The following PLEKHH2 variants were observed in gnomAD, a reference collection of about 807,000 sequenced individuals.
The protein encoded by PLEKHH2 is pleckstrin homology domain-containing family H member 2.
Under a neutral mutation model 187.9 loss-of-function variants are expected in PLEKHH2, and 129 were observed. The observed-to-expected ratio is 0.69, with a 90% confidence interval of 0.59 to 0.79. The LOEUF is 0.79. Ranked by LOEUF, PLEKHH2 falls within the 30% of genes least tolerant of loss-of-function variation. The pLI is 0.00. For missense variants in PLEKHH2, 2,076 were observed against 1,751.2 expected, an observed-to-expected ratio of 1.19 and a Z score of -3.31; for synonymous variants, 686 against 605.6, an observed-to-expected ratio of 1.13 and a Z score of -1.95.
chr2:43,676,723 G>C (rs950348175), intron 2 of PLEKHH2, among the ~76,000 whole-genome samples: 1 of 152,120 alleles, frequency 6.6e-6, no homozygotes, highest in African/African-American at 2.4e-5. Context: ...TTAGCATGGG[G>C]TCCTTCTTAA....
chr2:43,739,073 C>T (rs7609483), intron 20 of PLEKHH2, among the ~76,000 whole-genome samples: 56,000 of 151,918 alleles, frequency 0.37, 11,718 homozygotes, highest in African/African-American at 0.57. Context: ...GCATTTTTAG[C>T]AGAGATGGGG....
intron 2 of PLEKHH2, among the ~76,000 whole-genome samples, chr2:43,667,729 A>G (rs1008864967): frequency 6.6e-6 from 1 of 152,242 alleles, no homozygotes; most frequent in African/African-American, 2.4e-5. Context: ...TGAAATATTC[A>G]GAATAGGCAA....
At chr2:43,671,217 C>G (rs1320263896) in intron 2 of PLEKHH2, among the ~76,000 whole-genome samples, 1 of 152,030 alleles carries the variant, frequency 6.6e-6, no homozygotes, top group Non-Finnish European at 1.5e-5. Context: ...GAACTCCTGA[C>G]CTCAGGTTAT....
At position 43,704,141 on chromosome 2, in the gene PLEKHH2, C is replaced by T. The variant is rs1311901100; in HGVS notation, c.1726+85C>T. 25 of 912,260 alleles carry T rather than the reference C, an allele frequency of 2.7e-5. No individual in the cohort carries two copies. The East Asian group carries it at 6.0e-4, about 22-fold the overall frequency. 56.5% of individuals were successfully genotyped at this position (912,260 alleles called of 1,614,324 possible). A position where few individuals can be genotyped will look rare whatever the true frequency, so the allele number is the denominator to read the frequency against. Reference sequence around the variant, plus strand: ...GTATAATACAAATACATGGTACAGTCACAAAAAGACAAATACTGTATGATT... The same window carrying T: ...GTATAATACAAATACATGGTACAGTTACAAAAAGACAAATACTGTATGATT... On this transcript the variant is annotated intron_variant, in intron 9 of 29. Transcript: ENST00000282406.
chr2:43,685,664 A>G (rs1193036434), intron 3 of PLEKHH2, among the ~76,000 whole-genome samples: 1 of 150,446 alleles, frequency 6.6e-6, no homozygotes, highest in African/African-American at 2.4e-5. Flanking sequence ...TTAGTCTCGA[A>G]CTTGTCAGCT....
chr2:43,681,589 T>G (rs1262609835), intron 3 of PLEKHH2: 26 of 834,318 alleles, frequency 3.1e-5, no homozygotes, highest in Non-Finnish European at 4.6e-5. Flanking sequence ...TCATGACTAG[T>G]GCCTCTTTTT....
intron 2 of PLEKHH2, among the ~76,000 whole-genome samples, chr2:43,648,637 G>C (rs923135667): frequency 6.6e-6 from 1 of 150,914 alleles, no homozygotes; most frequent in Non-Finnish European, 1.5e-5. Context: ...CTGGAGTGCA[G>C]TTGCGCAATC....
Position 43,742,922 on chromosome 2 carries a change from G to C in PLEKHH2, c.3399+4G>C. The stretch of plus-strand genomic sequence containing the variant: ...CTTCATGAATGGGATATACCAGGTA[G>C]GTTACCTGATGAAAATATGCTTAGC... On this transcript the variant is annotated splice_donor_region_variant and intron_variant, in intron 22 of 29. Coordinates refer to ENST00000282406, the MANE Select transcript of PLEKHH2 (RefSeq NM_172069.4). 1 of 1,495,776 alleles carries C rather than the reference G, an allele frequency of 6.7e-7. No individual in the cohort carries two copies. Among genetic ancestry groups the C allele is most frequent in the Non-Finnish European group, 8.9e-7 (1 of 1,120,542 alleles). The allele number at this position is 1,495,776 out of a possible 1,614,324, so 92.7% of individuals were successfully genotyped here.
intron 16 of PLEKHH2, among the ~76,000 whole-genome samples, chr2:43,723,690 T>C (rs1333685055): frequency 6.6e-6 from 1 of 152,212 alleles, no homozygotes; most frequent in Admixed American, 6.5e-5. Flanking sequence ...AAAATGCCTT[T>C]AGTTCAAAAT....
At chr2:43,745,843 TCA>T in intron 23 of PLEKHH2, 21 bp from the exon 24 acceptor site, 1 of 1,551,824 alleles carries the variant, frequency 6.4e-7, no homozygotes, top group Non-Finnish European at 8.9e-7. Context: ...ACTGTAAATC[TCA>T]GTTTTCCACT....
At chr2:43,686,550 C>T (rs913061736) in intron 3 of PLEKHH2, among the ~76,000 whole-genome samples, 36 of 152,144 alleles carry the variant, frequency 2.4e-4, no homozygotes, top group Non-Finnish European at 5.3e-4. Flanking sequence ...TTCTAATATC[C>T]ATGACCTTGT....
At chr2:43,740,775 A>G (rs1671527391) in intron 20 of PLEKHH2, 171 bp from the exon 21 acceptor site, 2 of 1,211,898 alleles carry the variant, frequency 1.7e-6, no homozygotes, top group Admixed American at 7.2e-5. Flanking sequence ...GACCCAATGT[A>G]GAGTTTTTTG....
intron 2 of PLEKHH2, among the ~76,000 whole-genome samples, chr2:43,651,145 TTTCA>T (rs71410195): frequency 0.18 from 26,709 of 151,478 alleles, 2,442 homozygotes; most frequent in Middle Eastern, 0.29. Context: ...GTTAAAATCT[TTTCA>T]TTCATTCATT....
chr2:43,681,289 G>T, intron 3 of PLEKHH2: 1 of 729,880 alleles, frequency 1.4e-6, no homozygotes, highest in South Asian at 1.8e-5. Flanking sequence ...CATGCTGGCT[G>T]ACTGTAACTC....
At chr2:43,681,877 A>G (rs1657246406) in intron 3 of PLEKHH2, among the ~76,000 whole-genome samples, 1 of 152,226 alleles carries the variant, frequency 6.6e-6, no homozygotes. Flanking sequence ...ATAGATTTCT[A>G]AATAAGCCCA....
chr2:43,710,864 C>A, intron 14 of PLEKHH2: 4 of 1,158,220 alleles, frequency 3.5e-6, no homozygotes, highest in Non-Finnish European at 4.2e-6. Flanking sequence ...AACTGTGAAG[C>A]TATTTTAAGG....
chr2:43,644,312 T>C (rs1038218659), intron 1 of PLEKHH2, among the ~76,000 whole-genome samples: 1 of 152,152 alleles, frequency 6.6e-6, no homozygotes, highest in African/African-American at 2.4e-5. Flanking sequence ...TGTTATACTG[T>C]CTGTTCTACT....
chr2:43,762,361 G>T lies in PLEKHH2; in HGVS notation c.4129G>T (p.Gly1377Cys). Residue 1377 changes from glycine (G) to cysteine (C), a missense_variant, in exon 28 of 30, where the codon GGT becomes TGT. Transcript: ENST00000282406. The part of the protein sequence containing the change: ...TFLWLAVHED[G>C]LSLLEYNSMR... ...CTTGTGGCTGGCTGTACATGAGGAT[G>T]GTTTAAGCCTCTTAGAATACAACTC... 6.2e-7 allele frequency: 1 copy of T among 1,612,538 alleles called. No individual in the cohort carries two copies.
intron 2 of PLEKHH2, among the ~76,000 whole-genome samples, chr2:43,659,163 C>CT (rs888802992): frequency 4.7e-5 from 7 of 147,968 alleles, no homozygotes; most frequent in South Asian, 2.1e-4. Context: ...ATATTTTTTT[C>CT]TTTTTTTTGG....
Sources: allele counts gnomAD v4.1 joint callset (sites outside exome capture counted in the v4.1 genomes callset), GRCh38; gene constraint gnomAD v4.1.1; transcripts MANE v1.5; gene names NCBI Gene and HGNC (gene_info 2026-07-23, HGNC 2026-07-21).